The following HVCN1 variants were observed in gnomAD, a reference collection of about 807,000 sequenced individuals.
HVCN1 encodes voltage-gated hydrogen channel 1.
In HVCN1, 14 loss-of-function variants were observed where a neutral mutation model predicts 29.2. The ratio of observed to expected loss-of-function variants is 0.48; its 90% CI spans 0.32 to 0.75. The LOEUF (loss-of-function observed/expected upper bound fraction) is 0.75. HVCN1 is among the 30% of genes least tolerant of loss of function. The probability of loss-of-function intolerance (pLI) is 0.04; values close to 1 mark genes in which losing one functional copy is unlikely to be tolerated. For missense variants in HVCN1, 263 were observed against 341.8 expected, an observed-to-expected ratio of 0.77 and a Z score of 1.82; for synonymous variants, 131 against 133.2, an observed-to-expected ratio of 0.98 and a Z score of 0.11.
upstream of HVCN1, among the ~76,000 whole-genome samples, chr12:110,690,666 C>G (rs1390491075): frequency 6.6e-6 from 1 of 151,822 alleles, no homozygotes; most frequent in African/African-American, 2.4e-5. Flanking sequence ...TTAGTAGAGA[C>G]GGGGTTTTAC....
At chr12:110,695,431 C>T (rs1245864483) in intron 2 of HVCN1, among the ~76,000 whole-genome samples, 1 of 151,908 alleles carries the variant, frequency 6.6e-6, no homozygotes, top group Non-Finnish European at 1.5e-5. Flanking sequence ...TGGTGCATGC[C>T]TGTATTCCCA....
rs577975564 is a variant in HVCN1 at position 110,658,796 on chromosome 12, G to T, written c.306+2368C>A. ...GGGCAAAGATGTGTCTGCCACATTT[G>T]TCACTGTACACAGCAGGTGCTCAAT... is the stretch of plus-strand genomic sequence containing the variant. On this transcript the variant is annotated intron_variant, in intron 4 of 7. Transcript: ENST00000242607. The surrounding 1 kb of genome is among the most constrained non-coding windows in gnomAD (Gnocchi z 5.0). Among the ~76,000 whole-genome samples, 31 of 152,328 alleles carry T rather than the reference G, an allele frequency of 2.0e-4. No individual in the cohort carries two copies. The highest frequency in any genetic ancestry group is 4.3e-4 in the Non-Finnish European group (29 of 68,034).
chr12:110,659,766 C>G (rs770616207), intron 4 of HVCN1, among the ~76,000 whole-genome samples: 1 of 151,580 alleles, frequency 6.6e-6, no homozygotes, highest in Non-Finnish European at 1.5e-5. Flanking sequence ...AAAAAAAAGC[C>G]CTTCTAAATG....
chr12:110,668,097 C>T (rs887361929), intron 3 of HVCN1, among the ~76,000 whole-genome samples: 1 of 152,134 alleles, frequency 6.6e-6, no homozygotes, highest in East Asian at 1.9e-4. Context: ...CCTGCCACCA[C>T]GCCCGGCTAA....
chr12:110,675,156 G>A (rs1390315884), intron 3 of HVCN1, among the ~76,000 whole-genome samples: 6 of 152,298 alleles, frequency 3.9e-5, no homozygotes, highest in East Asian at 1.9e-4. Flanking sequence ...TTCATGTAGC[G>A]TTGTTAAAAA....
At chr12:110,664,495 C>T (rs926266355) in intron 3 of HVCN1, among the ~76,000 whole-genome samples, 5 of 152,160 alleles carry the variant, frequency 3.3e-5, no homozygotes, top group Admixed American at 2.6e-4. Context: ...GAGATTTCTG[C>T]TTCTGGCCTT....
chr12:110,656,755 T>C (rs757650965), intron 4 of HVCN1, among the ~76,000 whole-genome samples: 66 of 152,260 alleles, frequency 4.3e-4, no homozygotes, highest in Non-Finnish European at 8.2e-4. Flanking sequence ...TAGGTAATTA[T>C]TTCAGTAATT....
intron 3 of HVCN1, among the ~76,000 whole-genome samples, chr12:110,672,445 T>C (rs1230720838): frequency 2.0e-5 from 3 of 152,176 alleles, no homozygotes; most frequent in African/African-American, 7.2e-5. Flanking sequence ...ACCACACCAC[T>C]GTGTGGCAGG....
chr12:110,685,925 T>G (rs1167339378), intron 2 of HVCN1, among the ~76,000 whole-genome samples: 1 of 151,892 alleles, frequency 6.6e-6, no homozygotes, highest in Non-Finnish European at 1.5e-5. Context: ...CAAGTGATCC[T>G]CCTGCCTCAG....
chr12:110,661,542 G>T lies in HVCN1; in HGVS notation c.22-94C>A. On this transcript the variant is annotated intron_variant, in intron 3 of 7. Transcript: ENST00000242607. This position sits in a 1 kb window ranked among gnomAD's most constrained non-coding sequence, Gnocchi z 6.2. Reference sequence around the variant, plus strand: ...GGGCCAGGCCACTGCAGGTGAAGATGGTCCCGGGTGCGTAGAACCCCCTGC... The same window carrying T: ...GGGCCAGGCCACTGCAGGTGAAGATTGTCCCGGGTGCGTAGAACCCCCTGC... 1 of 1,216,600 alleles carries T rather than the reference G, an allele frequency of 8.2e-7. No homozygotes were observed. The highest frequency in any genetic ancestry group is 1.2e-6 in the Non-Finnish European group (1 of 865,350). 75.4% of individuals were successfully genotyped at this position (1,216,600 alleles called of 1,614,324 possible).
chr12:110,698,778 G>C (rs555212382), intron 2 of HVCN1, among the ~76,000 whole-genome samples: 1 of 152,298 alleles, frequency 6.6e-6, no homozygotes, highest in South Asian at 2.1e-4. Context: ...CCGTTTTTGA[G>C]AGGAGTGGAC....
At position 110,661,533 on chromosome 12, in the gene HVCN1, G is replaced by T; in HGVS notation, c.22-85C>A. 7.6e-7 allele frequency: 1 copy of T among 1,322,824 alleles called. No homozygotes were observed. The highest frequency in any genetic ancestry group is 1.1e-6 in the Non-Finnish European group (1 of 951,438). 81.9% of individuals were successfully genotyped at this position (1,322,824 alleles called of 1,614,324 possible). ...GCCCAGGCCGGGCCAGGCCACTGCA[G>T]GTGAAGATGGTCCCGGGTGCGTAGA... On this transcript the variant is annotated intron_variant, in intron 3 of 7. Transcript: ENST00000242607. The surrounding 1 kb of genome is among the most constrained non-coding windows in gnomAD (Gnocchi z 6.2).
At chr12:110,694,308 C>T (rs967909722), upstream of HVCN1, among the ~76,000 whole-genome samples, 6 of 152,230 alleles carry the variant, frequency 3.9e-5, no homozygotes, top group Admixed American at 1.3e-4. This position sits in a 1 kb window ranked among gnomAD's most constrained non-coding sequence, Gnocchi z 4.6. Context: ...GGGATCCTCC[C>T]GCCTTGGTCT....
At chr12:110,698,708 C>T (rs2069529995) in intron 2 of HVCN1, among the ~76,000 whole-genome samples, 2 of 152,246 alleles carry the variant, frequency 1.3e-5, no homozygotes, top group Non-Finnish European at 2.9e-5. Context: ...TTCCTCTGGA[C>T]AAGGCCCAGT....
chr12:110,691,212 G>A (rs531480333), upstream of HVCN1, among the ~76,000 whole-genome samples: 152 of 152,128 alleles, frequency 1.0e-3, no homozygotes, highest in African/African-American at 2.8e-3. Context: ...ACAGGCGCCC[G>A]CCACCACGCT....
chr12:110,652,703 T>C (rs1277684041), intron 5 of HVCN1, among the ~76,000 whole-genome samples: 1 of 152,174 alleles, frequency 6.6e-6, no homozygotes, highest in African/African-American at 2.4e-5. Flanking sequence ...AAGTGCTTTT[T>C]TATAGAAGAG....
chr12:110,689,189 C>G (rs1566067486), upstream of HVCN1: 1 of 150,542 alleles, frequency 6.6e-6, no homozygotes, highest in Non-Finnish European at 1.5e-5. This position sits in a 1 kb window ranked among gnomAD's most constrained non-coding sequence, Gnocchi z 5.7. Flanking sequence ...GCCCGGGCCG[C>G]CCCCGCCCCC....
rs1009300490 is a variant in HVCN1 at position 110,680,263 on chromosome 12, C to T, written c.21+2962G>A. On this transcript the variant is annotated intron_variant, in intron 3 of 7. Coordinates refer to ENST00000242607, the MANE Select transcript of HVCN1 (RefSeq NM_032369.4). ...TGTGATGACAAACAGGCTCCAGGCT[C>T]CAGGTTCCAGGCCCTGGGAGTTCCC... 4.6e-5 allele frequency among the ~76,000 whole-genome samples: 7 copies of T among 152,144 alleles called. No homozygotes were observed. The East Asian group carries it at 1.2e-3, about 25-fold the overall frequency.
chr12:110,692,819 G>GA (rs960816279), upstream of HVCN1, among the ~76,000 whole-genome samples: 1 of 152,066 alleles, frequency 6.6e-6, no homozygotes, highest in Non-Finnish European at 1.5e-5. Flanking sequence ...ACTTGGGTGG[G>GA]AAAAAAATTC....
Sources: gnomAD v4.1 joint callset for allele counts (sites outside exome capture counted in the v4.1 genomes callset) on GRCh38, gnomAD v4.1.1 for gene constraint, Gnocchi (gnomAD v3.1) non-coding constraint, MANE v1.5 for transcripts, NCBI Gene and HGNC (gene_info 2026-07-23, HGNC 2026-07-21) for gene names.